CA10: variants seen among roughly 807,000 people sequenced by gnomAD.
CA10 encodes the protein carbonic anhydrase 10 (inactive).
A neutral mutation model predicts 44.2 loss-of-function variants in CA10; 14 were observed. That is an observed-to-expected ratio of 0.32 (90% CI 0.21 to 0.50). The LOEUF (loss-of-function observed/expected upper bound fraction) is 0.50. Among genes scored for constraint, CA10 ranks in the 20% least tolerant of loss-of-function variants. CA10 has a pLI of 0.99. For missense variants in CA10, 350 were observed against 409.7 expected (o/e 0.85, Z 1.26); for synonymous variants, 159 against 141.6 (o/e 1.12, Z -0.87).
intron 4 of CA10, among the ~76,000 whole-genome samples, chr17:51,698,785 C>T (rs1251680215): frequency 6.6e-6 from 1 of 152,170 alleles, no homozygotes; most frequent in African/African-American, 2.4e-5. Context: ...ATTTTAGATT[C>T]CATATATAAG....
intron 4 of CA10, among the ~76,000 whole-genome samples, chr17:51,714,440 T>C (rs1279496995): frequency 6.6e-6 from 1 of 152,176 alleles, no homozygotes; most frequent in East Asian, 1.9e-4. Context: ...AAGGGCCAAG[T>C]ATTGTGACTT....
At chr17:51,959,280 C>CTGTGTGTGTGTG in intron 2 of CA10, among the ~76,000 whole-genome samples, 1 of 66,512 alleles carries the variant, frequency 1.5e-5, no homozygotes, top group East Asian at 2.9e-4. Context: ...CGCTCTCTCT[C>CTGTGTGTGTGTG]TCTGTGTGTG....
intron 1 of CA10, among the ~76,000 whole-genome samples, chr17:52,145,620 A>G (rs1255358684): frequency 1.3e-5 from 2 of 152,198 alleles, no homozygotes; most frequent in East Asian, 3.9e-4. Flanking sequence ...GTTTATCTTA[A>G]CCACAGTTTC....
At chr17:52,119,100 A>T (rs959512507) in intron 1 of CA10, among the ~76,000 whole-genome samples, 3 of 152,228 alleles carry the variant, frequency 2.0e-5, no homozygotes, top group Non-Finnish European at 4.4e-5. Flanking sequence ...AGAGTCAAGG[A>T]ACCTTATGTT....
intron 3 of CA10, among the ~76,000 whole-genome samples, chr17:51,816,622 CAG>C (rs1907572841): frequency 6.6e-6 from 1 of 152,172 alleles, no homozygotes; most frequent in African/African-American, 2.4e-5. Context: ...TAATACAAAT[CAG>C]AAATACTTAT....
intron 2 of CA10, among the ~76,000 whole-genome samples, chr17:51,971,255 T>C (rs1233255291): frequency 6.6e-6 from 1 of 152,058 alleles, no homozygotes; most frequent in Non-Finnish European, 1.5e-5. Context: ...AGCTTACAGT[T>C]TCTTATCTGT....
chr17:51,733,970 CTG>C (rs1916807575), intron 4 of CA10, among the ~76,000 whole-genome samples: 1 of 151,962 alleles, frequency 6.6e-6, no homozygotes, highest in Non-Finnish European at 1.5e-5. Flanking sequence ...TGCAAAATGA[CTG>C]AGGTGTGATG....
chr17:51,649,891 A>AAAAAC (rs1555579438), intron 5 of CA10, among the ~76,000 whole-genome samples: 1 of 151,360 alleles, frequency 6.6e-6, no homozygotes, highest in Non-Finnish European at 1.5e-5. Context: ...AAAAAAAAAA[A>AAAAAC]CTGAAAAGTA....
chr17:51,720,773 A>T (rs1180525714), intron 4 of CA10, among the ~76,000 whole-genome samples: 1 of 152,172 alleles, frequency 6.6e-6, no homozygotes, highest in East Asian at 1.9e-4. Flanking sequence ...AGAGGGAAGG[A>T]GAAAGGGTAG....
At chr17:51,927,979 G>A (rs962700631) in intron 3 of CA10, among the ~76,000 whole-genome samples, 2 of 152,114 alleles carry the variant, frequency 1.3e-5, no homozygotes, top group African/African-American at 4.8e-5. Context: ...CAAGGTAGGA[G>A]TCTTATATCT....
chr17:51,976,386 TC>T (rs1231720668), intron 2 of CA10, among the ~76,000 whole-genome samples: 1 of 152,180 alleles, frequency 6.6e-6, no homozygotes, highest in East Asian at 1.9e-4. Context: ...TTTCAGACTA[TC>T]AATAATCACA....
At chr17:52,019,221 C>A (rs1359489343) in intron 2 of CA10, among the ~76,000 whole-genome samples, 1 of 152,084 alleles carries the variant, frequency 6.6e-6, no homozygotes, top group Non-Finnish European at 1.5e-5. Flanking sequence ...TTTACAAACA[C>A]CAAGATTCAG....
chr17:51,763,235 T>G (rs1247548310), intron 3 of CA10: 1 of 152,248 alleles, frequency 6.6e-6, no homozygotes, highest in Non-Finnish European at 1.5e-5. Context: ...ATCAGCCAGT[T>G]TGCGTCTTTA....
chr17:51,973,051 T>C (rs750493301), intron 2 of CA10, among the ~76,000 whole-genome samples: 8 of 152,156 alleles, frequency 5.3e-5, no homozygotes, highest in Non-Finnish European at 8.8e-5. Flanking sequence ...TCAATCTAAT[T>C]TAGTATTAAA....
intron 3 of CA10, among the ~76,000 whole-genome samples, chr17:51,865,578 A>C (rs1361382224): frequency 6.6e-6 from 1 of 152,196 alleles, no homozygotes; most frequent in African/African-American, 2.4e-5. Context: ...GGGGGAACCA[A>C]TATGCAGTCA....
intron 3 of CA10, among the ~76,000 whole-genome samples, chr17:51,767,915 A>G (rs1331816712): frequency 6.6e-6 from 1 of 152,136 alleles, no homozygotes; most frequent in African/African-American, 2.4e-5. Context: ...TCAGGCAGTA[A>G]TGTGAGCATT....
chr17:51,724,596 G>A (rs1378667078), intron 4 of CA10, among the ~76,000 whole-genome samples: 1 of 152,086 alleles, frequency 6.6e-6, no homozygotes, highest in African/African-American at 2.4e-5. Context: ...GGAAAACGGT[G>A]GGTAAATTTT....
intron 4 of CA10, among the ~76,000 whole-genome samples, chr17:51,665,641 G>C (rs2143328279): frequency 6.6e-6 from 1 of 152,316 alleles, no homozygotes; most frequent in Non-Finnish European, 1.5e-5. Context: ...ATATGGTATA[G>C]CCTATTGCTC....
At chr17:52,093,024 AT>A (rs1218544597) in intron 1 of CA10, among the ~76,000 whole-genome samples, 1 of 152,150 alleles carries the variant, frequency 6.6e-6, no homozygotes, top group Non-Finnish European at 1.5e-5. Flanking sequence ...ATGTTTTATC[AT>A]GTTGACGAGA....
Sources: gnomAD v4.1 joint callset for allele counts (sites outside exome capture counted in the v4.1 genomes callset) on GRCh38, gnomAD v4.1.1 for gene constraint, MANE v1.5 for transcripts, NCBI Gene and HGNC (gene_info 2026-07-23, HGNC 2026-07-21) for gene names.